Variants in MYT1 observed in about 807,000 individuals in gnomAD.
The protein encoded by MYT1 is myelin transcription factor 1.
MYT1 carries 23 observed loss-of-function variants against 123.0 expected under a neutral mutation model. The observed-to-expected ratio is 0.19, with a 90% CI of 0.13 to 0.26. The LOEUF (loss-of-function observed/expected upper bound fraction) is 0.26, where lower values mean the gene tolerates loss of function less well. MYT1 is among the 10% of genes least tolerant of loss of function. The pLI is 1.00. For missense variants in MYT1, 1,125 were observed against 1,472.5 expected (o/e 0.76, Z 3.86); for synonymous variants, 518 against 575.3 (o/e 0.90, Z 1.43).
chr20:64,222,318 G>C (rs545224911), intron 14 of MYT1, among the ~76,000 whole-genome samples: 1 of 152,362 alleles, frequency 6.6e-6, no homozygotes, highest in Admixed American at 6.5e-5. Context: ...ACAGAGCAGG[G>C]CAGGGGCAGA....
At chr20:64,169,295 G>T (rs1246094317) in intron 1 of MYT1, among the ~76,000 whole-genome samples, 1 of 152,190 alleles carries the variant, frequency 6.6e-6, no homozygotes, top group African/African-American at 2.4e-5. Context: ...GCCTGGGGTG[G>T]CCTCCCAGTG....
At position 64,232,102 on chromosome 20, in the gene MYT1, G is replaced by A. The variant is rs1321100871; in HGVS notation, c.2676-62G>A. On this transcript the variant is annotated intron_variant, in intron 18 of 22. Coordinates refer to ENST00000328439, the MANE Select transcript of MYT1 (RefSeq NM_004535.3). This position sits in a 1 kb window ranked among gnomAD's most constrained non-coding sequence, Gnocchi z 6.9. ...CTCCCCTTGTGTCTGGCTTGAGAGA[G>A]TCTCCAGGCTTCTCCTCCCAACCCT... 13 of 1,546,590 alleles carry A rather than the reference G, an allele frequency of 8.4e-6. No homozygotes were observed. Among genetic ancestry groups the A allele is most frequent in the Non-Finnish European group, 1.2e-5 (13 of 1,126,408 alleles).
At chr20:64,183,608 G>T (rs1390843435) in intron 1 of MYT1, among the ~76,000 whole-genome samples, 1 of 152,172 alleles carries the variant, frequency 6.6e-6, no homozygotes, top group African/African-American at 2.4e-5. Context: ...ATTACTAGCT[G>T]TTGGGCATCT....
chr20:64,172,054 A>C (rs549117886), intron 1 of MYT1, among the ~76,000 whole-genome samples: 13 of 152,268 alleles, frequency 8.5e-5, no homozygotes, highest in African/African-American at 2.9e-4. Flanking sequence ...CCAGTCACCC[A>C]GAGGCCAGGC....
chr20:64,217,514 A>AT (rs1983874595), intron 11 of MYT1, among the ~76,000 whole-genome samples: 1 of 152,132 alleles, frequency 6.6e-6, no homozygotes, highest in African/African-American at 2.4e-5. Flanking sequence ...CACCATTAAC[A>AT]TTTATGTGTC....
At position 64,190,413 on chromosome 20, in the gene MYT1, C is replaced by T. The variant is rs956450806; in HGVS notation, c.-1+253C>T. ...CCCAGGCTGGGCCCGGTGGCTCACA[C>T]CTGTAATCCCAGCACTTTGGGAGGC... On this transcript the variant is annotated intron_variant, in intron 2 of 22. Coordinates refer to ENST00000328439, the MANE Select transcript of MYT1 (RefSeq NM_004535.3). The surrounding 1 kb of genome is among the most constrained non-coding windows in gnomAD (Gnocchi z 4.1). Among the ~76,000 whole-genome samples the T allele has an allele frequency of 2.6e-5, 4 of 152,198 alleles. No homozygotes were observed. Among genetic ancestry groups the T allele is most frequent in the Admixed American group, 6.5e-5 (1 of 15,282 alleles).
chr20:64,216,985 G>A lies in MYT1; in HGVS notation c.1632-82G>A, dbSNP rs552673265. 4.5e-6 allele frequency: 6 copies of A among 1,343,500 alleles called. No individual in the cohort carries two copies. In the East Asian group the frequency reaches 7.0e-5, roughly 16 times the overall value. The allele number at this position is 1,343,500 out of a possible 1,614,324, so 83.2% of individuals were successfully genotyped here. A position where few individuals can be genotyped will look rare whatever the true frequency, so the allele number is the denominator to read the frequency against. ...CAGACGCTGTGAGGCCCCTGCCTGG[G>A]CTGCAGATTGGGGTTGGGGAGGGTG... On this transcript the variant is annotated intron_variant, in intron 10 of 22. Transcript: ENST00000328439.
In MYT1 at chr20:64,232,448, G is replaced by A. The variant is rs1238902452; in HGVS notation, c.2897+63G>A. 2 of 1,532,498 alleles carry A rather than the reference G, an allele frequency of 1.3e-6. No homozygotes were observed. Among genetic ancestry groups the A allele is most frequent in the Admixed American group, 3.4e-5 (2 of 58,286 alleles). 94.9% of individuals were successfully genotyped at this position (1,532,498 alleles called of 1,614,324 possible). A position where few individuals can be genotyped will look rare whatever the true frequency, so the allele number is the denominator to read the frequency against. On this transcript the variant is annotated intron_variant, in intron 19 of 22. Transcript: ENST00000328439. This position sits in a 1 kb window ranked among gnomAD's most constrained non-coding sequence, Gnocchi z 6.9. Reference sequence around the variant, plus strand: ...AGTAGGGACCCTCGCCTGGGGCCTGGGGCTGAAGCTCCTGAGGGAGGGCCA... The same window carrying A: ...AGTAGGGACCCTCGCCTGGGGCCTGAGGCTGAAGCTCCTGAGGGAGGGCCA...
In MYT1 at chr20:64,196,441, T is replaced by C. The variant is rs985385823; in HGVS notation, c.1-2421T>C. Among the ~76,000 whole-genome samples the C allele has an allele frequency of 4.6e-5, 7 of 152,258 alleles. No homozygotes were observed. The highest frequency in any genetic ancestry group is 1.2e-4 in the African/African-American group (5 of 41,472). On this transcript the variant is annotated intron_variant, in intron 2 of 22. Transcript: ENST00000328439. The surrounding 1 kb of genome is among the most constrained non-coding windows in gnomAD (Gnocchi z 4.3). Reference sequence around the variant, plus strand: ...TGACTTCTTTCGAAAAGAAAAGTGATGTAAATCAAGCAGTGCTGGTTTTGT... The same window carrying C: ...TGACTTCTTTCGAAAAGAAAAGTGACGTAAATCAAGCAGTGCTGGTTTTGT...
intron 6 of MYT1, among the ~76,000 whole-genome samples, chr20:64,206,836 C>T (rs747746066): frequency 4.6e-5 from 7 of 152,236 alleles, no homozygotes; most frequent in Non-Finnish European, 8.8e-5. Flanking sequence ...CACTGTGGGA[C>T]GTGCTGGCCC....
chr20:64,205,438 G>A, intron 5 of MYT1, 115 bp from the exon 6 acceptor site: 1 of 1,470,548 alleles, frequency 6.8e-7, no homozygotes, highest in Non-Finnish European at 9.2e-7. Context: ...TGCAAGGACT[G>A]GATGAGTCTG....
At chr20:64,237,797 G>A (rs1426827762) in intron 21 of MYT1, among the ~76,000 whole-genome samples, 1 of 152,186 alleles carries the variant, frequency 6.6e-6, no homozygotes, top group Non-Finnish European at 1.5e-5. Context: ...GTGCGGTAGA[G>A]CCAGGTCTCT....
rs2145723603 is a variant in MYT1 at position 64,218,760 on chromosome 20, C to T, written c.1847-151C>T. ...CCATCCCTCCCAAAGTGCCCCCTCC[C>T]CACTGACTTGTCTGCATTGCTGCCT... On this transcript the variant is annotated intron_variant, in intron 11 of 22. Coordinates refer to ENST00000328439, the MANE Select transcript of MYT1 (RefSeq NM_004535.3). This position sits in a 1 kb window ranked among gnomAD's most constrained non-coding sequence, Gnocchi z 4.0. 1.9e-6 allele frequency: 2 copies of T among 1,041,512 alleles called. No individual in the cohort carries two copies. The highest frequency in any genetic ancestry group is 2.9e-6 in the Non-Finnish European group (2 of 688,866). The allele number at this position is 1,041,512 out of a possible 1,614,324, so 64.5% of individuals were successfully genotyped here. A position where few individuals can be genotyped will look rare whatever the true frequency, so the allele number is the denominator to read the frequency against.
chr20:64,197,676 T>C (rs975584309), intron 2 of MYT1, among the ~76,000 whole-genome samples: 3 of 152,124 alleles, frequency 2.0e-5, no homozygotes, highest in Non-Finnish European at 4.4e-5. Flanking sequence ...ATGGAGTGTG[T>C]AGGATTTACT....
At position 64,199,879 on chromosome 20, in the gene MYT1, G is replaced by C. The variant is rs762958767; in HGVS notation, c.56-13G>C. Reference sequence around the variant, plus strand: ...ATTCCCACATGTTTTCCCTGTTTCTGTCTTTTTCCCAGGACCCCCAGAGAC... The same window carrying C: ...ATTCCCACATGTTTTCCCTGTTTCTCTCTTTTTCCCAGGACCCCCAGAGAC... On this transcript the variant is annotated splice_polypyrimidine_tract_variant and intron_variant, in intron 3 of 22. Coordinates refer to ENST00000328439, the MANE Select transcript of MYT1 (RefSeq NM_004535.3). 3.2e-5 allele frequency: 51 copies of C among 1,613,760 alleles called. 1 individual carries two copies. Among genetic ancestry groups the C allele is most frequent in the Non-Finnish European group, 4.2e-5 (49 of 1,179,764 alleles).
chr20:64,197,882 T>C (rs1431165610), intron 2 of MYT1, among the ~76,000 whole-genome samples: 1 of 152,170 alleles, frequency 6.6e-6, no homozygotes, highest in Non-Finnish European at 1.5e-5. Flanking sequence ...GGGACACCGA[T>C]AGGCTCAGGC....
intron 1 of MYT1, among the ~76,000 whole-genome samples, chr20:64,187,619 G>A (rs937231438): frequency 2.0e-5 from 3 of 152,280 alleles, no homozygotes; most frequent in Non-Finnish European, 4.4e-5. Context: ...GGAGAGCTTT[G>A]TCTGGGGTGG....
chr20:64,211,193 T>C lies in MYT1; in HGVS notation c.1292-13T>C. On this transcript the variant is annotated splice_polypyrimidine_tract_variant and intron_variant, in intron 7 of 22. Coordinates refer to ENST00000328439, the MANE Select transcript of MYT1 (RefSeq NM_004535.3). ...GCTTCCTGGCTCTAACTGATGTGACTTGTGTGTTTTAGATCCTTCAAGAGC... is the reference window on the plus strand; with the variant it reads ...GCTTCCTGGCTCTAACTGATGTGACCTGTGTGTTTTAGATCCTTCAAGAGC... 1 of 1,609,170 alleles carries C rather than the reference T, an allele frequency of 6.2e-7. No individual in the cohort carries two copies. Among genetic ancestry groups the C allele is most frequent in the South Asian group, 1.1e-5 (1 of 90,102 alleles).
At chr20:64,209,453 C>T (rs1181492417) in intron 7 of MYT1, among the ~76,000 whole-genome samples, 1 of 152,234 alleles carries the variant, frequency 6.6e-6, no homozygotes, top group Non-Finnish European at 1.5e-5. Context: ...GACTAGGGAC[C>T]TGCCCTGATC....
Sources: allele counts gnomAD v4.1 joint callset (sites outside exome capture counted in the v4.1 genomes callset), GRCh38; gene constraint gnomAD v4.1.1; non-coding constraint Gnocchi (gnomAD v3.1); transcripts MANE v1.5; gene names NCBI Gene and HGNC (gene_info 2026-07-23, HGNC 2026-07-21).